CELF4: variants seen among roughly 807,000 people sequenced by gnomAD.
CELF4 encodes CUGBP Elav-like family member 4.
A neutral mutation model predicts 59.9 loss-of-function variants in CELF4; 18 were observed. The ratio of observed to expected loss-of-function variants is 0.30; its 90% CI spans 0.21 to 0.45. The LOEUF (loss-of-function observed/expected upper bound fraction) is 0.45. CELF4 is among the 20% of genes least tolerant of loss of function. CELF4 has a pLI of 1.00. For missense variants in CELF4, 456 were observed against 689.0 expected, an observed-to-expected ratio of 0.66 and a Z score of 3.79; for synonymous variants, 261 against 267.1, an observed-to-expected ratio of 0.98 and a Z score of 0.22.
intron 2 of CELF4, among the ~76,000 whole-genome samples, chr18:37,452,800 G>T (rs554203202): frequency 2.0e-5 from 3 of 152,068 alleles, no homozygotes; most frequent in Non-Finnish European, 4.4e-5. Flanking sequence ...ACCCCCAAAT[G>T]GTTCCAGAAT....
intron 1 of CELF4, among the ~76,000 whole-genome samples, chr18:37,561,845 A>T (rs1202280547): frequency 6.6e-6 from 1 of 152,178 alleles, no homozygotes; most frequent in African/African-American, 2.4e-5. Context: ...TTTCTCTTTA[A>T]TCAATAGTAC....
chr18:37,329,312 G>A (rs2097446100), intron 2 of CELF4, among the ~76,000 whole-genome samples: 2 of 152,294 alleles, frequency 1.3e-5, no homozygotes, highest in Admixed American at 6.5e-5. Context: ...TGCAACCTTG[G>A]GCCTGAGGAC....
intron 2 of CELF4, among the ~76,000 whole-genome samples, chr18:37,342,993 C>G (rs751217491): frequency 5.9e-5 from 9 of 152,146 alleles, no homozygotes; most frequent in Non-Finnish European, 1.3e-4. Context: ...CGTCCTTACA[C>G]TGAAGGAGGA....
At chr18:37,512,562 CCCTTTATCTTGACA>C (rs1386374503) in intron 1 of CELF4, among the ~76,000 whole-genome samples, 1 of 151,744 alleles carries the variant, frequency 6.6e-6, no homozygotes, top group Non-Finnish European at 1.5e-5. Context: ...TCTTCTTCCA[CCCTTTATCTTGACA>C]CCTTTCTCGT....
intron 1 of CELF4, among the ~76,000 whole-genome samples, chr18:37,539,063 C>G (rs917087584): frequency 2.0e-5 from 3 of 152,128 alleles, no homozygotes; most frequent in Admixed American, 1.3e-4. Context: ...TCGGTCTCAT[C>G]AGGGTTCTCA....
At chr18:37,422,657 C>G (rs1266481059) in intron 2 of CELF4, among the ~76,000 whole-genome samples, 3 of 152,142 alleles carry the variant, frequency 2.0e-5, no homozygotes, top group Non-Finnish European at 2.9e-5. Flanking sequence ...TGTGTGCATG[C>G]ATGCATGTGC....
chr18:37,292,503 C>T (rs1467948906), intron 3 of CELF4, among the ~76,000 whole-genome samples: 1 of 152,148 alleles, frequency 6.6e-6, no homozygotes, highest in African/African-American at 2.4e-5. Context: ...GGGGGTGTCC[C>T]AGGAGAACTT....
At chr18:37,316,580 C>G (rs1404893997) in intron 3 of CELF4, among the ~76,000 whole-genome samples, 2 of 152,082 alleles carry the variant, frequency 1.3e-5, no homozygotes, top group Admixed American at 6.6e-5. Context: ...AACCCCTTGG[C>G]CTTGTGTTCG....
intron 2 of CELF4, among the ~76,000 whole-genome samples, chr18:37,455,926 G>A (rs978427762): frequency 9.2e-5 from 14 of 152,164 alleles, no homozygotes; most frequent in Non-Finnish European, 1.6e-4. Flanking sequence ...ACCCCCAGAC[G>A]GGAAGGTCCC....
chr18:37,391,688 G>T (rs2099163666), intron 2 of CELF4, among the ~76,000 whole-genome samples: 1 of 152,202 alleles, frequency 6.6e-6, no homozygotes, highest in African/African-American at 2.4e-5. Flanking sequence ...TCCACGTAGT[G>T]AATTCTCGCC....
chr18:37,447,635 C>G (rs2099751843), intron 2 of CELF4, among the ~76,000 whole-genome samples: 1 of 152,218 alleles, frequency 6.6e-6, no homozygotes. Flanking sequence ...GCTCAGAGCC[C>G]TCTTTGCAGG....
At chr18:37,307,000 C>T (rs1268229677) in intron 3 of CELF4, among the ~76,000 whole-genome samples, 1 of 152,184 alleles carries the variant, frequency 6.6e-6, no homozygotes, top group African/African-American at 2.4e-5. Context: ...GTGGTCTGGC[C>T]ACTTTAGGCA....
rs567747008 is a variant in CELF4, at chr18:37,491,904, C to T, written c.287-6297G>A. 1.2e-3 allele frequency among the ~76,000 whole-genome samples: 189 copies of T among 152,226 alleles called. 1 individual carries two copies. The highest frequency in any genetic ancestry group is 4.5e-3 in the African/African-American group (185 of 41,540). On this transcript the variant is annotated intron_variant, in intron 1 of 12. Transcript: ENST00000420428. ...GAGATGGCAGTAATTTACAAAGCCC[C>T]CATGTGCCGGGATAAAAGGCCCTTG... is the stretch of plus-strand genomic sequence containing the variant.
chr18:37,481,531 A>G (rs930931129), intron 2 of CELF4, among the ~76,000 whole-genome samples: 1 of 152,128 alleles, frequency 6.6e-6, no homozygotes, highest in African/African-American at 2.4e-5. Flanking sequence ...AGCTGCGACA[A>G]AGCTTCAGGG....
intron 3 of CELF4, among the ~76,000 whole-genome samples, chr18:37,283,539 C>T (rs141078501): frequency 6.6e-6 from 1 of 152,138 alleles, no homozygotes; most frequent in South Asian, 2.1e-4. Flanking sequence ...AGTAGATGCT[C>T]AATAAATACA....
chr18:37,533,237 A>G (rs1195366807), intron 1 of CELF4, among the ~76,000 whole-genome samples: 1 of 152,198 alleles, frequency 6.6e-6, no homozygotes, highest in Non-Finnish European at 1.5e-5. Context: ...ACATTATCCC[A>G]CGAGCTTGTC....
At chr18:37,368,824 C>T (rs980557895) in intron 2 of CELF4, among the ~76,000 whole-genome samples, 2 of 152,238 alleles carry the variant, frequency 1.3e-5, no homozygotes, top group African/African-American at 4.8e-5. Context: ...CACACCTGTA[C>T]AGTCTGTGCC....
intron 1 of CELF4, among the ~76,000 whole-genome samples, chr18:37,563,827 G>A (rs981989118): frequency 6.6e-6 from 1 of 152,184 alleles, no homozygotes; most frequent in Non-Finnish European, 1.5e-5. Context: ...AGGCAAGCTG[G>A]AAGATACTAA....
intron 1 of CELF4, among the ~76,000 whole-genome samples, chr18:37,496,615 A>G (rs1422190204): frequency 6.6e-6 from 1 of 152,274 alleles, no homozygotes; most frequent in Non-Finnish European, 1.5e-5. Context: ...ACCAATAGCC[A>G]GGAGTCCCAT....
Sources: gnomAD v4.1 joint callset for allele counts (sites outside exome capture counted in the v4.1 genomes callset) on GRCh38, gnomAD v4.1.1 for gene constraint, MANE v1.5 for transcripts, NCBI Gene and HGNC (gene_info 2026-07-23, HGNC 2026-07-21) for gene names.